ATXN7L1: variants seen among roughly 807,000 people sequenced by gnomAD.
The protein encoded by ATXN7L1 is ataxin 7 like 1, also known as ataxin-7-like protein 1.
In ATXN7L1, 15 loss-of-function variants were observed where a neutral mutation model predicts 70.8. The ratio of observed to expected loss-of-function variants is 0.21; its 90% confidence interval spans 0.14 to 0.33. The LOEUF is 0.33. Ranked by LOEUF, ATXN7L1 falls within the 10% of genes least tolerant of loss-of-function variation. The pLI, the probability that ATXN7L1 is intolerant of heterozygous loss-of-function variation, is 1.00. For synonymous variants in ATXN7L1, 440 were observed against 445.1 expected, an observed-to-expected ratio of 0.99 and a Z score of 0.14; for missense variants, 975 against 1,097.1, an observed-to-expected ratio of 0.89 and a Z score of 1.57.
intron 3 of ATXN7L1, among the ~76,000 whole-genome samples, chr7:105,687,464 A>G (rs1292806774): frequency 6.6e-6 from 1 of 152,204 alleles, no homozygotes; most frequent in Non-Finnish European, 1.5e-5. Flanking sequence ...AAAGGAAGGG[A>G]CGACAATGGC....
chr7:105,818,106 G>A (rs927413587), intron 2 of ATXN7L1, among the ~76,000 whole-genome samples: 2 of 152,214 alleles, frequency 1.3e-5, no homozygotes, highest in Non-Finnish European at 2.9e-5. Context: ...TCTGGTGAGT[G>A]CTGGATACCA....
Position 105,641,385 on chromosome 7 carries a change from A to T in ATXN7L1, c.862+1453T>A, listed in dbSNP as rs1001991325. Among the ~76,000 whole-genome samples, 6 of 151,094 alleles carry T rather than the reference A, an allele frequency of 4.0e-5. No individual in the cohort carries two copies. In the South Asian group the frequency reaches 6.3e-4, roughly 16 times the overall value. On this transcript the variant is annotated intron_variant, in intron 5 of 11. Transcript: ENST00000419735. ...GTGCCTGGTCCCACACCAGCGCCTCATGTCGACCTGGAGCTGAGCAGGCTG... is the reference window on the plus strand; with the variant it reads ...GTGCCTGGTCCCACACCAGCGCCTCTTGTCGACCTGGAGCTGAGCAGGCTG...
At chr7:105,745,176 G>C (rs1268594356) in intron 3 of ATXN7L1, among the ~76,000 whole-genome samples, 1 of 152,106 alleles carries the variant, frequency 6.6e-6, no homozygotes, top group Admixed American at 6.5e-5. Flanking sequence ...GAAATATTAA[G>C]GGGTGAAGGG....
At chr7:105,808,286 C>T (rs1025538911) in intron 2 of ATXN7L1, among the ~76,000 whole-genome samples, 5 of 152,296 alleles carry the variant, frequency 3.3e-5, no homozygotes, top group East Asian at 3.9e-4. Flanking sequence ...CTCTAGTGAG[C>T]CCTACTGCAA....
chr7:105,744,635 A>T (rs574763283), intron 3 of ATXN7L1, among the ~76,000 whole-genome samples: 4 of 151,948 alleles, frequency 2.6e-5, no homozygotes, highest in Non-Finnish European at 1.5e-5. Flanking sequence ...CAAATCCAAG[A>T]CTTGTAATCT....
intron 2 of ATXN7L1, among the ~76,000 whole-genome samples, chr7:105,856,624 T>C (rs1815774574): frequency 6.6e-6 from 1 of 152,026 alleles, no homozygotes; most frequent in African/African-American, 2.4e-5. Flanking sequence ...ATTTTATTCT[T>C]TATAAAGCAT....
chr7:105,807,882 G>A (rs1319528842), intron 2 of ATXN7L1, among the ~76,000 whole-genome samples: 1 of 152,232 alleles, frequency 6.6e-6, no homozygotes, highest in Non-Finnish European at 1.5e-5. Context: ...AGTAAGTAAT[G>A]TTTACTGTCT....
chr7:105,816,163 G>T (rs942414945), intron 2 of ATXN7L1, among the ~76,000 whole-genome samples: 1 of 152,128 alleles, frequency 6.6e-6, no homozygotes, highest in Admixed American at 6.5e-5. Context: ...TCAGTAGGCA[G>T]TGTTTAAAAC....
chr7:105,619,447 C>T (rs551594822), intron 9 of ATXN7L1, among the ~76,000 whole-genome samples: 113 of 130,408 alleles, frequency 8.7e-4, no homozygotes, highest in African/African-American at 3.1e-3. Flanking sequence ...CCGTGCCTGG[C>T]TGAAATCTTT....
chr7:105,814,506 A>G (rs1358669595), intron 2 of ATXN7L1, among the ~76,000 whole-genome samples: 1 of 152,104 alleles, frequency 6.6e-6, no homozygotes, highest in Non-Finnish European at 1.5e-5. Flanking sequence ...TAGCATAAAT[A>G]TTGGATTATA....
At chr7:105,792,957 C>G (rs1460623835) in intron 2 of ATXN7L1, among the ~76,000 whole-genome samples, 7 of 152,176 alleles carry the variant, frequency 4.6e-5, no homozygotes, top group Non-Finnish European at 8.8e-5. Context: ...CATAATGAAC[C>G]TGCAAAATTG....
intron 3 of ATXN7L1, among the ~76,000 whole-genome samples, chr7:105,751,217 A>C (rs1376356193): frequency 6.6e-6 from 1 of 152,142 alleles, no homozygotes; most frequent in Non-Finnish European, 1.5e-5. Flanking sequence ...ATGGATGGGA[A>C]GGTGGGAGGG....
At chr7:105,617,193 AAT>A (rs1317714064) in intron 9 of ATXN7L1, among the ~76,000 whole-genome samples, 17 of 152,048 alleles carry the variant, frequency 1.1e-4, no homozygotes, top group African/African-American at 3.9e-4. Flanking sequence ...GGCCCGGATA[AAT>A]TTTTGTTTTT....
chr7:105,789,202 G>C (rs1351261210), intron 2 of ATXN7L1, among the ~76,000 whole-genome samples: 1 of 152,210 alleles, frequency 6.6e-6, no homozygotes, highest in African/African-American at 2.4e-5. Flanking sequence ...ACATGCTAAG[G>C]CTGAAGGAGT....
Position 105,610,663 on chromosome 7 carries a change from G to A in ATXN7L1, c.2473-60C>T, listed in dbSNP as rs932819718. 2.1e-5 allele frequency: 30 copies of A among 1,398,042 alleles called. No individual in the cohort carries two copies. The East Asian group carries it at 4.5e-4, about 21-fold the overall frequency. 86.6% of individuals were successfully genotyped at this position (1,398,042 alleles called of 1,614,324 possible). A position where few individuals can be genotyped will look rare whatever the true frequency, so the allele number is the denominator to read the frequency against. On this transcript the variant is annotated intron_variant, in intron 10 of 11. Coordinates refer to ENST00000419735, the MANE Select transcript of ATXN7L1 (RefSeq NM_020725.2). ...CGAGCCAGCCTGGGAAGGGCCCGCC[G>A]ATGCCACATGTTCTAGGGGAAAGAA...
Position 105,616,110 on chromosome 7 carries a change from T to C in ATXN7L1, c.1518-1294A>G, listed in dbSNP as rs181238445. Reference sequence around the variant, plus strand: ...CTCTCCCGGTTTCCCTGGGAAATCATTTTCACTGTAGCTGGGGCTCACTAG... The same window carrying C: ...CTCTCCCGGTTTCCCTGGGAAATCACTTTCACTGTAGCTGGGGCTCACTAG... On this transcript the variant is annotated intron_variant, in intron 9 of 11. Coordinates refer to ENST00000419735, the MANE Select transcript of ATXN7L1 (RefSeq NM_020725.2). Among the ~76,000 whole-genome samples the C allele has an allele frequency of 2.7e-3, 407 of 152,340 alleles. 7 individuals carry two copies. The highest frequency in any genetic ancestry group is 0.026 in the Admixed American group (392 of 15,308).
intron 2 of ATXN7L1, among the ~76,000 whole-genome samples, chr7:105,802,554 C>T (rs1806982724): frequency 6.6e-6 from 1 of 152,222 alleles, no homozygotes; most frequent in African/African-American, 2.4e-5. Flanking sequence ...GCAAATCCTA[C>T]TATGCTCTGG....
At chr7:105,799,539 C>T (rs1189345788) in intron 2 of ATXN7L1, among the ~76,000 whole-genome samples, 2 of 152,110 alleles carry the variant, frequency 1.3e-5, no homozygotes, top group Non-Finnish European at 2.9e-5. Flanking sequence ...TTAGTGTTTC[C>T]AAGAGGAAAG....
At chr7:105,658,751 C>T (rs557666494) in intron 4 of ATXN7L1, among the ~76,000 whole-genome samples, 1 of 152,130 alleles carries the variant, frequency 6.6e-6, no homozygotes, top group Admixed American at 6.5e-5. Flanking sequence ...CTAGGCTGGT[C>T]TCGAACTCTT....
Sources: gnomAD v4.1 joint callset for allele counts (sites outside exome capture counted in the v4.1 genomes callset) on GRCh38, gnomAD v4.1.1 for gene constraint, MANE v1.5 for transcripts, NCBI Gene and HGNC (gene_info 2026-07-23, HGNC 2026-07-21) for gene names.